The following PPEF1 variants were observed in gnomAD, a reference collection of about 807,000 sequenced individuals.
PPEF1 encodes serine/threonine-protein phosphatase with EF-hands 1.
PPEF1 carries 12 observed loss-of-function variants against 53.3 expected under a neutral mutation model. The observed-to-expected ratio is 0.23, with a 90% CI of 0.14 to 0.36. PPEF1 has a LOEUF of 0.36. PPEF1 is among the 10% of genes least tolerant of loss of function. The pLI is 1.00. For missense variants in PPEF1, 334 were observed against 490.4 expected, an observed-to-expected ratio of 0.68 and a Z score of 3.01; for synonymous variants, 165 against 176.7, an observed-to-expected ratio of 0.93 and a Z score of 0.52.
At chrX:18,790,096 C>G (rs140573051) in intron 10 of PPEF1, among the ~76,000 whole-genome samples, 130 of 112,207 alleles carry the variant, frequency 1.2e-3, no homozygotes, top group African/African-American at 4.1e-3. Context: ...TCCACATCCT[C>G]TCTAACACTT....
intron 3 of PPEF1, among the ~76,000 whole-genome samples, chrX:18,743,063 A>G (rs2045220826): frequency 8.9e-6 from 1 of 111,924 alleles, no homozygotes; most frequent in African/African-American, 3.2e-5. Context: ...GTGAATTCAG[A>G]GCAGTTAAAG....
At chrX:18,801,656 C>A (rs1042922981) in intron 10 of PPEF1, among the ~76,000 whole-genome samples, 1 of 111,504 alleles carries the variant, frequency 9.0e-6, no homozygotes, top group African/African-American at 3.3e-5. Flanking sequence ...GAGTTTTTCT[C>A]ACCGCTTTAA....
chrX:18,802,951 T>G (rs1348769693), intron 10 of PPEF1, among the ~76,000 whole-genome samples: 2 of 111,904 alleles, frequency 1.8e-5, no homozygotes, highest in Non-Finnish European at 3.8e-5. Flanking sequence ...TTTTTCTTTT[T>G]CTTTTTTGCG....
In PPEF1 at chrX:18,684,578, T is replaced by A. The variant is rs142495044; in HGVS notation, c.-637-74T>A. On this transcript the variant is annotated intron_variant, in intron 1 of 21. Transcript: ENST00000361511. ...TAGAATGTTTTGTCTCCCCCTCTCT[T>A]ACTTAACCTATCTTGGGATGTGTCT... Among the ~76,000 whole-genome samples the A allele has an allele frequency of 4.1e-3, 449 of 110,431 alleles. 2 individuals are homozygous for A. The highest frequency in any genetic ancestry group is 0.019 in the Middle Eastern group (4 of 213).
intron 6 of PPEF1, among the ~76,000 whole-genome samples, chrX:18,772,891 A>G (rs1376528629): frequency 8.9e-6 from 1 of 112,932 alleles, no homozygotes; most frequent in Admixed American, 9.3e-5. Flanking sequence ...CAGAACAGCC[A>G]CATGGGCTTC....
intron 1 of PPEF1, among the ~76,000 whole-genome samples, chrX:18,719,159 G>A (rs1458806241): frequency 9.0e-6 from 1 of 111,344 alleles, no homozygotes; most frequent in Non-Finnish European, 1.9e-5. Flanking sequence ...AAAAATTAAT[G>A]TATTCATAAT....
At chrX:18,748,282 T>C (rs777454867) in intron 3 of PPEF1, among the ~76,000 whole-genome samples, 2 of 112,705 alleles carry the variant, frequency 1.8e-5, no homozygotes, top group East Asian at 5.5e-4. Flanking sequence ...TTTTTTTAAA[T>C]TGCCAAATAG....
At chrX:18,823,123 A>T (rs2047097249) in intron 13 of PPEF1, among the ~76,000 whole-genome samples, 1 of 111,513 alleles carries the variant, frequency 9.0e-6, no homozygotes, top group Admixed American at 9.6e-5. Flanking sequence ...CCCACTGCTG[A>T]GCAGTGGGCA....
At chrX:18,802,919 G>A (rs1293734447) in intron 10 of PPEF1, among the ~76,000 whole-genome samples, 2 of 112,238 alleles carry the variant, frequency 1.8e-5, no homozygotes, top group Admixed American at 9.5e-5. Flanking sequence ...TCATGGAGGA[G>A]ATGAATATGA....
At chrX:18,703,398 T>C (rs763852165), upstream of PPEF1, among the ~76,000 whole-genome samples, 1 of 112,426 alleles carries the variant, frequency 8.9e-6, no homozygotes, top group East Asian at 2.8e-4. Context: ...TTTAAAACTT[T>C]CTTTAAAAAT....
chrX:18,806,797 T>A (rs1426482349), intron 12 of PPEF1, among the ~76,000 whole-genome samples: 1 of 111,705 alleles, frequency 9.0e-6, no homozygotes, highest in Non-Finnish European at 1.9e-5. Flanking sequence ...TAACTGAATG[T>A]AAAGAAAAGA....
At chrX:18,801,138 G>C (rs1208288113) in intron 10 of PPEF1, among the ~76,000 whole-genome samples, 1 of 112,056 alleles carries the variant, frequency 8.9e-6, no homozygotes, top group Non-Finnish European at 1.9e-5. Context: ...GTAGGGCGGT[G>C]CTGATGTTGG....
chrX:18,695,110 C>T (rs775011472), intron 4 of PPEF1, among the ~76,000 whole-genome samples: 11 of 112,128 alleles, frequency 9.8e-5, no homozygotes, highest in African/African-American at 3.2e-4. Flanking sequence ...GGGCTGCTGT[C>T]ATCTGAAGGT....
intron 3 of PPEF1, chrX:18,690,965 G>C (rs934610134): frequency 8.9e-6 from 1 of 111,903 alleles, no homozygotes; most frequent in Non-Finnish European, 1.9e-5. Flanking sequence ...TCTTCAATAA[G>C]ACCTGTGTGA....
chrX:18,755,515 C>T (rs1048301450), intron 4 of PPEF1, among the ~76,000 whole-genome samples: 3 of 112,062 alleles, frequency 2.7e-5, no homozygotes, highest in Non-Finnish European at 5.6e-5. Flanking sequence ...TACAGTGAGC[C>T]GAGATCGTGC....
chrX:18,700,520 AT>A (rs1369071624), intron 6 of PPEF1: 2 of 110,130 alleles, frequency 1.8e-5, no homozygotes, highest in African/African-American at 6.6e-5. Context: ...GGAACAGGGA[AT>A]GTGTACTCCT....
chrX:18,810,513 G>A (rs779403254), intron 12 of PPEF1, among the ~76,000 whole-genome samples: 5 of 111,612 alleles, frequency 4.5e-5, no homozygotes, highest in Non-Finnish European at 9.4e-5. Flanking sequence ...CATACCCACT[G>A]AGCAGTCATT....
intron 4 of PPEF1, among the ~76,000 whole-genome samples, chrX:18,693,830 A>C (rs1368457932): frequency 8.9e-6 from 1 of 111,907 alleles, no homozygotes; most frequent in Non-Finnish European, 1.9e-5. Context: ...GGCCTCCCAA[A>C]GTGCTGAGAT....
upstream of PPEF1, among the ~76,000 whole-genome samples, chrX:18,706,818 C>CTTTTT (rs767459911): frequency 1.3e-4 from 6 of 46,299 alleles, no homozygotes; most frequent in Admixed American, 2.7e-4. Context: ...TTCAAACCTC[C>CTTTTT]TTTTTTTTTT....
Sources: allele counts gnomAD v4.1 joint callset (sites outside exome capture counted in the v4.1 genomes callset), GRCh38; gene constraint gnomAD v4.1.1; transcripts MANE v1.5; gene names NCBI Gene and HGNC (gene_info 2026-07-23, HGNC 2026-07-21).